Variants in CFAP57 observed in about 807,000 individuals in gnomAD.
CFAP57 encodes the protein cilia- and flagella-associated protein 57.
A neutral mutation model predicts 146.8 loss-of-function variants in CFAP57; 116 were observed. The ratio of observed to expected loss-of-function variants is 0.79; its 90% CI spans 0.68 to 0.92. The LOEUF (loss-of-function observed/expected upper bound fraction) is 0.92. Ranked by LOEUF, CFAP57 falls within the 40% of genes least tolerant of loss-of-function variation. CFAP57 has a pLI of 0.00. For missense variants in CFAP57, 1,377 were observed against 1,527.2 expected, an observed-to-expected ratio of 0.90 and a Z score of 1.64; for synonymous variants, 518 against 552.8, an observed-to-expected ratio of 0.94 and a Z score of 0.88.
intron 2 of CFAP57, among the ~76,000 whole-genome samples, chr1:43,175,061 A>T (rs6694040): frequency 0.077 from 11,656 of 152,172 alleles, 751 homozygotes; most frequent in African/African-American, 0.17. Context: ...AGATAGTTTC[A>T]ACAGGTGTGA....
At chr1:43,193,635 C>A (rs1022944520) in intron 6 of CFAP57, among the ~76,000 whole-genome samples, 1 of 151,980 alleles carries the variant, frequency 6.6e-6, no homozygotes, top group East Asian at 1.9e-4. Context: ...TAGCTACCTT[C>A]CCTTTCCCCT....
At chr1:43,236,610 A>AAG (rs1290425901) in intron 21 of CFAP57, among the ~76,000 whole-genome samples, 1 of 149,940 alleles carries the variant, frequency 6.7e-6, no homozygotes, top group African/African-American at 2.4e-5. Context: ...AAAAAAAAAA[A>AAG]AAAAAAAGGC....
chr1:43,210,558 A>C (rs1017735416), intron 11 of CFAP57: 33 of 369,826 alleles, frequency 8.9e-5, no homozygotes, highest in Non-Finnish European at 1.2e-4. Flanking sequence ...ATGCTAAATT[A>C]AATAAGGCCA....
At chr1:43,207,027 C>A in intron 10 of CFAP57, 95 bp downstream of exon 10, 1 of 1,279,964 alleles carries the variant, frequency 7.8e-7, no homozygotes, top group Non-Finnish European at 1.1e-6. Flanking sequence ...GAATGAGGGC[C>A]TCTGCATACA....
At chr1:43,214,829 G>A (rs753568942) in intron 11 of CFAP57, among the ~76,000 whole-genome samples, 17 of 152,142 alleles carry the variant, frequency 1.1e-4, no homozygotes, top group Non-Finnish European at 2.2e-4. Context: ...TGGGTGTGTA[G>A]TGATATCTCA....
rs1645032901 is a variant in CFAP57, at chr1:43,172,935, A to G, written c.157+25A>G. On this transcript the variant is annotated intron_variant, in intron 2 of 22. Coordinates refer to ENST00000372492, the MANE Select transcript of CFAP57 (RefSeq NM_001378189.1). ...GGTAAAACTTTTTCCATCCTGACATATACAGGAATGGTATGTGCCACATAT... is the reference window on the plus strand; with the variant it reads ...GGTAAAACTTTTTCCATCCTGACATGTACAGGAATGGTATGTGCCACATAT... The G allele has an allele frequency of 1.9e-6, 3 of 1,603,736 alleles. No individual in the cohort carries two copies. The African/African-American group carries it at 4.0e-5, about 21-fold the overall frequency.
intron 21 of CFAP57, among the ~76,000 whole-genome samples, chr1:43,235,101 C>T (rs1570294101): frequency 6.6e-6 from 1 of 152,166 alleles, no homozygotes; most frequent in East Asian, 1.9e-4. Context: ...TATTCTGCTA[C>T]CCATATCTCG....
intron 2 of CFAP57, among the ~76,000 whole-genome samples, chr1:43,180,317 T>C (rs1645352878): frequency 6.6e-6 from 1 of 151,180 alleles, no homozygotes; most frequent in African/African-American, 2.4e-5. Flanking sequence ...TAAAGAGGAA[T>C]ATAATCTAGG....
At chr1:43,184,930 T>C in intron 4 of CFAP57, 1 of 545,982 alleles carries the variant, frequency 1.8e-6, no homozygotes, top group Admixed American at 2.9e-5. Flanking sequence ...CTCTCGCCTC[T>C]GTCTACTCCA....
chr1:43,194,339 A>T (rs1643730922), intron 6 of CFAP57, among the ~76,000 whole-genome samples: 1 of 151,938 alleles, frequency 6.6e-6, no homozygotes, highest in Non-Finnish European at 1.5e-5. Context: ...TTTGTAAGTG[A>T]TCAGTCATTT....
chr1:43,209,883 T>C lies in CFAP57; in HGVS notation c.1896T>C (p.Asn632=). ...CTCTGCCTCTGCAGAAGGAATTCAA[T>C]GAGTACCAGGCCCATGCCGGTCCTA... ...KYPLPLQKEF[N]EYQAHAGPIT... Residue 632 remains asparagine (N), a synonymous_variant, in exon 11 of 23, where the codon AAT becomes AAC. Coordinates refer to ENST00000372492, the MANE Select transcript of CFAP57 (RefSeq NM_001378189.1). The C allele has an allele frequency of 6.2e-7, 1 of 1,614,240 alleles. No individual in the cohort carries two copies. Among genetic ancestry groups the C allele is most frequent in the South Asian group, 1.1e-5 (1 of 91,092 alleles).
In CFAP57 at chr1:43,219,388, G is replaced by C. The variant is rs1644958566; in HGVS notation, c.2098G>C (p.Val700Leu). The C allele has an allele frequency of 6.5e-7, 1 of 1,550,038 alleles. No homozygotes were observed. Among genetic ancestry groups the C allele is most frequent in the Non-Finnish European group, 8.7e-7 (1 of 1,146,662 alleles). Residue 700 changes from valine to leucine, a missense_variant, in exon 13 of 23, where the codon GTT (valine) becomes CTT (leucine). Coordinates refer to ENST00000372492, the MANE Select transcript of CFAP57 (RefSeq NM_001378189.1). ...TTCTGTCCTTCTCCCAAAGGCTCAG[G>C]TTATGTTGGAGCTAAAGACTCGTGT... ...TKTDMEEKAQ[V>L]MLELKTRVEE... is the part of the protein sequence containing the mutation.
chr1:43,221,440 G>A lies in CFAP57; in HGVS notation c.2316G>A (p.Lys772=), dbSNP rs2124557139. Residue 772 remains lysine (K), a synonymous_variant, in exon 14 of 23, where the codon AAG becomes AAA. Coordinates refer to ENST00000372492, the MANE Select transcript of CFAP57 (RefSeq NM_001378189.1). ...AGCACATAGAAGACCTCCTAGACAAGCAAAGCCGGGAACTGCAGGACATGG... is the reference window on the plus strand; with the variant it reads ...AGCACATAGAAGACCTCCTAGACAAACAAAGCCGGGAACTGCAGGACATGG... ...HHEHIEDLLD[K]QSRELQDMEC... The A allele has an allele frequency of 6.5e-7, 1 of 1,537,994 alleles. No homozygotes were observed. Among genetic ancestry groups the A allele is most frequent in the Middle Eastern group, 1.7e-4 (1 of 5,924 alleles).
intron 2 of CFAP57, among the ~76,000 whole-genome samples, chr1:43,175,960 T>C (rs570621684): frequency 2.0e-5 from 3 of 152,158 alleles, no homozygotes; most frequent in East Asian, 1.9e-4. Flanking sequence ...AATGTATCCA[T>C]TGAGATTTTA....
chr1:43,253,025 A>G (rs1190404967), intron 22 of CFAP57, among the ~76,000 whole-genome samples: 1 of 152,192 alleles, frequency 6.6e-6, no homozygotes, highest in African/African-American at 2.4e-5. Context: ...ACAATAAGGT[A>G]CAGCCAAGAG....
chr1:43,235,818 C>A (rs977410858), intron 21 of CFAP57, among the ~76,000 whole-genome samples: 1 of 152,224 alleles, frequency 6.6e-6, no homozygotes, highest in African/African-American at 2.4e-5. Flanking sequence ...ACCAGGATGA[C>A]AGCAGGAGCA....
chr1:43,207,331 A>T (rs1644400765), intron 10 of CFAP57, among the ~76,000 whole-genome samples: 1 of 152,308 alleles, frequency 6.6e-6, no homozygotes, highest in Non-Finnish European at 1.5e-5. Context: ...GACCACATGG[A>T]CTGTAAGATT....
chr1:43,221,165 T>C (rs932775363), intron 13 of CFAP57, among the ~76,000 whole-genome samples: 1 of 152,034 alleles, frequency 6.6e-6, no homozygotes, highest in East Asian at 1.9e-4. Flanking sequence ...AGAATAGAAA[T>C]AGGAACAGTA....
chr1:43,197,724 T>G (rs201146792), intron 7 of CFAP57, 32 bp downstream of exon 7: 2 of 1,612,544 alleles, frequency 1.2e-6, no homozygotes, highest in East Asian at 2.2e-5. Flanking sequence ...TACTTTATTA[T>G]GCAAGACCCC....
Sources: allele counts gnomAD v4.1 joint callset (sites outside exome capture counted in the v4.1 genomes callset), GRCh38; gene constraint gnomAD v4.1.1; transcripts MANE v1.5; gene names NCBI Gene and HGNC (gene_info 2026-07-23, HGNC 2026-07-21).